The following WARS2 variants were observed in gnomAD, a reference collection of about 807,000 sequenced individuals.
WARS2 encodes the protein tryptophanyl tRNA synthetase 2, mitochondrial, also known as tryptophan--tRNA ligase, mitochondrial.
Under a neutral mutation model 36.5 loss-of-function variants are expected in WARS2, and 28 were observed. That is an observed-to-expected ratio of 0.77 (90% confidence interval 0.57 to 1.05). The LOEUF is 1.05. WARS2 is among the 50% of genes least tolerant of loss of function. The pLI is 0.00. For missense variants in WARS2, 435 were observed against 456.8 expected, an observed-to-expected ratio of 0.95 and a Z score of 0.44; for synonymous variants, 174 against 178.4, an observed-to-expected ratio of 0.98 and a Z score of 0.20.
chr1:119,058,812 GGGTATAT>G (rs1168468268), intron 2 of WARS2, among the ~76,000 whole-genome samples: 2 of 143,320 alleles, frequency 1.4e-5, no homozygotes, highest in East Asian at 3.9e-4. Flanking sequence ...ATAGTCTTTT[GGGTATAT>G]ACCCAGTAAT....
chr1:119,084,806 A>G (rs1243714118), intron 1 of WARS2, among the ~76,000 whole-genome samples: 2 of 152,196 alleles, frequency 1.3e-5, no homozygotes, highest in Non-Finnish European at 2.9e-5. Flanking sequence ...TTCAGGGACA[A>G]TGAATGGTAC....
In WARS2 at chr1:119,140,416, C is replaced by T. The variant is rs1031957316; in HGVS notation, c.90+139G>A. On this transcript the variant is annotated intron_variant, in intron 1 of 5. Coordinates refer to ENST00000235521, the MANE Select transcript of WARS2 (RefSeq NM_015836.4). Reference sequence around the variant, plus strand: ...ACTACGCTCTGAGCAGGCCGACAGTCATAGACGAGTAGACCTTAGGCGAGG... The same window carrying T: ...ACTACGCTCTGAGCAGGCCGACAGTTATAGACGAGTAGACCTTAGGCGAGG... The T allele has an allele frequency of 4.3e-5, 30 of 697,802 alleles. No individual in the cohort carries two copies. In the Middle Eastern group the frequency reaches 8.7e-4, roughly 20 times the overall value. The allele number at this position is 697,802 out of a possible 1,614,324, so 43.2% of individuals were successfully genotyped here.
chr1:119,079,031 C>T (rs2101336754), intron 1 of WARS2, among the ~76,000 whole-genome samples: 1 of 152,056 alleles, frequency 6.6e-6, no homozygotes, highest in South Asian at 2.1e-4. Flanking sequence ...ACATTTAGGT[C>T]TGTATCCATC....
chr1:119,051,762 ATTT>A (rs527937756), intron 2 of WARS2, among the ~76,000 whole-genome samples: 2,482 of 114,228 alleles, frequency 0.022, 55 homozygotes, highest in African/African-American at 0.076. Flanking sequence ...TCTCGCTGTA[ATTT>A]TTTTTTTTTT....
chr1:119,049,570 T>TGAA (rs1403409683), intron 2 of WARS2, among the ~76,000 whole-genome samples: 1 of 152,202 alleles, frequency 6.6e-6, no homozygotes, highest in Non-Finnish European at 1.5e-5. Context: ...CAGCTACCTA[T>TGAA]TCAGCCTCTC....
chr1:119,103,518 G>C (rs1654020143), intron 1 of WARS2, among the ~76,000 whole-genome samples: 2 of 151,928 alleles, frequency 1.3e-5, no homozygotes, highest in South Asian at 4.2e-4. Flanking sequence ...ATCTCCTTTA[G>C]AAGCTCTGGA....
At position 119,034,109 on chromosome 1, in the gene WARS2, GGCACTGGAAAGAACTCCCCA is replaced by G; in HGVS notation, c.600_619del (p.Gly201ArgfsTer15). 6.2e-7 allele frequency: 1 copy of G among 1,613,618 alleles called. No individual in the cohort carries two copies. The highest frequency in any genetic ancestry group is 1.7e-5 in the Admixed American group (1 of 60,006). On this transcript the variant is annotated frameshift_variant, in exon 5 of 6. Coordinates refer to ENST00000235521, the MANE Select transcript of WARS2 (RefSeq NM_015836.4). LOFTEE classifies it high-confidence loss of function. ...TTCTTACTTACTGAGAATGGACTCGGGCACTGGAAAGAACTCCCCATACTTCTTGTTGAAACCTTGTGCTA... is the reference window on the plus strand; with the variant it reads ...TTCTTACTTACTGAGAATGGACTCGGTACTTCTTGTTGAAACCTTGTGCTA...
intron 2 of WARS2, among the ~76,000 whole-genome samples, chr1:119,069,537 G>T (rs1238566311): frequency 2.0e-5 from 3 of 152,178 alleles, no homozygotes; most frequent in Non-Finnish European, 2.9e-5. Context: ...TAAACCAGAA[G>T]AAATTATTTT....
chr1:119,052,089 G>A (rs550758359), intron 2 of WARS2, among the ~76,000 whole-genome samples: 1 of 151,888 alleles, frequency 6.6e-6, no homozygotes, highest in Non-Finnish European at 1.5e-5. Context: ...TTTGAGATGG[G>A]CTAATTTTTA....
At chr1:119,111,714 G>C (rs1654648132) in intron 1 of WARS2, among the ~76,000 whole-genome samples, 1 of 152,098 alleles carries the variant, frequency 6.6e-6, no homozygotes, top group Non-Finnish European at 1.5e-5. Flanking sequence ...TTTCCATGCT[G>C]AGCCTCCAGG....
At chr1:119,066,858 A>G (rs903127493) in intron 2 of WARS2, among the ~76,000 whole-genome samples, 2 of 152,210 alleles carry the variant, frequency 1.3e-5, no homozygotes, top group African/African-American at 4.8e-5. Flanking sequence ...TGTATATATC[A>G]TATATCCTCC....
intron 2 of WARS2, among the ~76,000 whole-genome samples, chr1:119,052,103 T>A (rs1010189044): frequency 6.6e-6 from 1 of 152,094 alleles, no homozygotes; most frequent in Admixed American, 6.5e-5. Context: ...ATTTTTAATA[T>A]TTTTTTAATT....
chr1:119,136,637 T>C (rs1656532751), intron 1 of WARS2, among the ~76,000 whole-genome samples: 1 of 152,220 alleles, frequency 6.6e-6, no homozygotes, highest in Non-Finnish European at 1.5e-5. Context: ...ATGTTGCATG[T>C]TGCATGAACA....
intron 4 of WARS2, among the ~76,000 whole-genome samples, chr1:119,035,471 T>C (rs1647800372): frequency 6.6e-6 from 1 of 152,172 alleles, no homozygotes; most frequent in Non-Finnish European, 1.5e-5. Context: ...TAATTGATAG[T>C]AAGAGCTCAA....
intron 1 of WARS2, chr1:119,126,583 C>A: frequency 1.6e-6 from 1 of 643,096 alleles, no homozygotes; most frequent in South Asian, 1.5e-5. Context: ...TCAGTTCGTT[C>A]AACTTTAGCA....
chr1:119,111,054 A>G (rs1163387863), intron 1 of WARS2, among the ~76,000 whole-genome samples: 2 of 152,088 alleles, frequency 1.3e-5, no homozygotes. Flanking sequence ...TACTTTTTCC[A>G]TTAAAGCCCT....
Position 119,037,362 on chromosome 1 carries a change from C to T in WARS2, c.516-3149G>A, listed in dbSNP as rs575422742. Among the ~76,000 whole-genome samples the T allele has an allele frequency of 4.6e-5, 7 of 152,250 alleles. No individual in the cohort carries two copies. In the East Asian group the frequency reaches 9.7e-4, roughly 21 times the overall value. On this transcript the variant is annotated intron_variant, in intron 4 of 5. Transcript: ENST00000235521. ...CAGAATTAGTGTCCAGATGAATAAA[C>T]GTTGCCTACATATATCTGCTCACAG... is the stretch of plus-strand genomic sequence containing the variant.
intron 3 of WARS2, among the ~76,000 whole-genome samples, chr1:119,045,376 A>C (rs1408341166): frequency 6.6e-6 from 1 of 152,196 alleles, no homozygotes; most frequent in Non-Finnish European, 1.5e-5. Context: ...AGATAAAAAC[A>C]ATGAACCTAA....
At chr1:119,138,344 A>G (rs6428798) in intron 1 of WARS2, among the ~76,000 whole-genome samples, 84,789 of 151,974 alleles carry the variant, frequency 0.56, 24,367 homozygotes, top group African/African-American at 0.66. Flanking sequence ...TTTTAATAAC[A>G]GCATTGTGGG....
Sources: gnomAD v4.1 joint callset for allele counts (sites outside exome capture counted in the v4.1 genomes callset) on GRCh38, gnomAD v4.1.1 for gene constraint, MANE v1.5 for transcripts, NCBI Gene and HGNC (gene_info 2026-07-23, HGNC 2026-07-21) for gene names.